KHDC4: variants seen among roughly 807,000 people sequenced by gnomAD.
The protein encoded by KHDC4 is KH homology domain-containing protein 4.
In KHDC4, 19 loss-of-function variants were observed where a neutral mutation model predicts 74.5. The observed-to-expected ratio is 0.26, with a 90% CI of 0.18 to 0.37. KHDC4 has a LOEUF of 0.37. Ranked by LOEUF, KHDC4 falls within the 10% of genes least tolerant of loss-of-function variation. The pLI, the probability that KHDC4 is intolerant of heterozygous loss-of-function variation, is 1.00. For synonymous variants in KHDC4, 253 were observed against 266.1 expected (o/e 0.95, Z 0.48); for missense variants, 632 against 754.1 (o/e 0.84, Z 1.90).
chr1:155,926,548 C>G (rs1295859074), intron 6 of KHDC4, 128 bp downstream of exon 6: 1 of 1,036,578 alleles, frequency 9.6e-7, no homozygotes, highest in Non-Finnish European at 1.5e-6. Flanking sequence ...AATTCCTGAC[C>G]TCAAATGATC....
intron 7 of KHDC4, 52 bp from the exon 8 acceptor site, chr1:155,923,739 C>T (rs1673919561): frequency 7.5e-7 from 1 of 1,340,612 alleles, no homozygotes; most frequent in Admixed American, 1.7e-5. Context: ...ATAAAAGATG[C>T]AGAATTCTGC....
At chr1:155,928,854 A>G (rs1232975293) in intron 4 of KHDC4, among the ~76,000 whole-genome samples, 1 of 150,914 alleles carries the variant, frequency 6.6e-6, no homozygotes, top group African/African-American at 2.4e-5. Context: ...CGGGAGGCTG[A>G]GGTAGGAGAA....
At chr1:155,920,170 T>C (rs1307262826) in intron 10 of KHDC4, 2 of 271,800 alleles carry the variant, frequency 7.4e-6, no homozygotes, top group East Asian at 1.0e-4. Flanking sequence ...CCAGGTGCGG[T>C]GGCTCACACC....
intron 2 of KHDC4, among the ~76,000 whole-genome samples, chr1:155,931,629 TGCCCAG>T (rs1674144413): frequency 6.6e-6 from 1 of 152,324 alleles, no homozygotes; most frequent in Non-Finnish European, 1.5e-5. Context: ...TTCACCATGT[TGCCCAG>T]GCTGTTCTTG....
chr1:155,923,596 T>C, intron 8 of KHDC4, 31 bp downstream of exon 8: 1 of 1,562,992 alleles, frequency 6.4e-7, no homozygotes, highest in Non-Finnish European at 8.8e-7. Context: ...CAATTGCTCT[T>C]CTGAATGAGT....
At chr1:155,926,633 A>T in intron 6 of KHDC4, 43 bp downstream of exon 6, 1 of 1,600,768 alleles carries the variant, frequency 6.2e-7, no homozygotes, top group Non-Finnish European at 8.6e-7. Context: ...TATCATTTTT[A>T]TAGAAATGAT....
In KHDC4 at chr1:155,921,539, GAAC is replaced by G. The variant is rs1476870781; in HGVS notation, c.1099_1101del (p.Val367del). Reference sequence around the variant, plus strand: ...GGTTGAACTGGCTGCTGAGGAGGGGGAACAACAGGGTAACCAGACTGATAGCCA... The same window carrying G: ...GGTTGAACTGGCTGCTGAGGAGGGGGAACAGGGTAACCAGACTGATAGCCA... On this transcript the variant is annotated inframe_deletion, in exon 10 of 14. Transcript: ENST00000368321. The G allele has an allele frequency of 6.2e-7, 1 of 1,614,098 alleles. No individual in the cohort carries two copies. The highest frequency in any genetic ancestry group is 1.1e-5 in the South Asian group (1 of 91,068).
At chr1:155,917,128 T>G (rs1673748819) in intron 11 of KHDC4, among the ~76,000 whole-genome samples, 1 of 152,214 alleles carries the variant, frequency 6.6e-6, no homozygotes. Context: ...CTTTTTAACT[T>G]TAGTGGCTAA....
intron 12 of KHDC4, 82 bp from the exon 13 acceptor site, chr1:155,916,046 T>C (rs1394524537): frequency 1.2e-5 from 10 of 813,522 alleles, no homozygotes; most frequent in Non-Finnish European, 2.0e-5. Context: ...TGCAATTATG[T>C]CTGCAGACAA....
chr1:155,921,189 C>A (rs1375870329), intron 10 of KHDC4, 186 bp downstream of exon 10: 1 of 628,484 alleles, frequency 1.6e-6, no homozygotes, highest in Non-Finnish European at 2.7e-6. Context: ...ATATAAACTT[C>A]AGGATGACAT....
rs1572016224 is a variant in KHDC4, at chr1:155,933,568, G to A, written c.255+65C>T. 13 of 1,339,428 alleles carry A rather than the reference G, an allele frequency of 9.7e-6. No individual in the cohort carries two copies. In the East Asian group the frequency reaches 2.8e-4, roughly 29 times the overall value. The allele number at this position is 1,339,428 out of a possible 1,614,324, so 83.0% of individuals were successfully genotyped here. A position where few individuals can be genotyped will look rare whatever the true frequency, so the allele number is the denominator to read the frequency against. On this transcript the variant is annotated intron_variant, in intron 2 of 13. Transcript: ENST00000368321. ...CAAAGTGCTGGGATTACAGGCGTAA[G>A]CCACCGCGCCCGGCAAAACAACTAT... is the stretch of plus-strand genomic sequence containing the variant.
chr1:155,921,195 G>A, intron 10 of KHDC4, 180 bp downstream of exon 10: 1 of 644,416 alleles, frequency 1.6e-6, no homozygotes, highest in East Asian at 2.8e-5. Flanking sequence ...ACTTCAGGAT[G>A]ACATACACAC....
intron 10 of KHDC4, among the ~76,000 whole-genome samples, chr1:155,919,716 C>T (rs1673812311): frequency 6.6e-6 from 1 of 152,004 alleles, no homozygotes; most frequent in African/African-American, 2.4e-5. Flanking sequence ...GAGGCTGAGG[C>T]AGGAGAATCG....
rs1290038398 is a variant in KHDC4 at position 155,933,436 on chromosome 1, C to G, written c.255+197G>C. On this transcript the variant is annotated intron_variant, in intron 2 of 13. Transcript: ENST00000368321. ...CTGAGTAGCTGATTACAGGCGCGTG[C>G]CACCATGCCCGACTAATTTTTGTAT... The G allele has an allele frequency of 7.0e-6, 3 of 428,304 alleles. No individual in the cohort carries two copies. In the East Asian group the frequency reaches 1.2e-4, roughly 17 times the overall value. 26.5% of individuals were successfully genotyped at this position (428,304 alleles called of 1,614,324 possible). A position where few individuals can be genotyped will look rare whatever the true frequency, so the allele number is the denominator to read the frequency against.
chr1:155,919,301 T>C (rs1673801311), intron 10 of KHDC4, among the ~76,000 whole-genome samples: 1 of 152,126 alleles, frequency 6.6e-6, no homozygotes, highest in African/African-American at 2.4e-5. Context: ...TCTGCTGTAT[T>C]GCTTCCCAAT....
At chr1:155,917,152 T>C (rs1267894603) in intron 11 of KHDC4, among the ~76,000 whole-genome samples, 1 of 152,156 alleles carries the variant, frequency 6.6e-6, no homozygotes, top group Non-Finnish European at 1.5e-5. Flanking sequence ...TACAATTACA[T>C]GTACAGAATC....
chr1:155,915,814 C>G (rs1572003545), intron 13 of KHDC4, 59 bp downstream of exon 13: 1 of 1,152,872 alleles, frequency 8.7e-7, no homozygotes, highest in African/African-American at 1.6e-5. Flanking sequence ...GCTGAGAAAA[C>G]TAATAGCTTT....
intron 11 of KHDC4, 139 bp downstream of exon 11, chr1:155,917,360 G>T: frequency 1.3e-6 from 1 of 752,490 alleles, no homozygotes; most frequent in Non-Finnish European, 2.3e-6. Context: ...CTGTTGAATA[G>T]GATAAAAAAC....
intron 10 of KHDC4, among the ~76,000 whole-genome samples, chr1:155,919,022 C>CA (rs1317155761): frequency 7.5e-6 from 1 of 132,566 alleles, no homozygotes; most frequent in African/African-American, 2.9e-5. Flanking sequence ...GGCTGGAGTG[C>CA]AGTGATGCAA....
Sources: allele counts gnomAD v4.1 joint callset (sites outside exome capture counted in the v4.1 genomes callset), GRCh38; gene constraint gnomAD v4.1.1; transcripts MANE v1.5; gene names NCBI Gene and HGNC (gene_info 2026-07-23, HGNC 2026-07-21).